The following CFAP47 variants were observed in gnomAD, a reference collection of about 807,000 sequenced individuals.
CFAP47 encodes the protein cilia- and flagella-associated protein 47.
In CFAP47, 29 loss-of-function variants were observed where a neutral mutation model predicts 148.1. The observed-to-expected ratio is 0.20, with a 90% CI of 0.15 to 0.27. The LOEUF (loss-of-function observed/expected upper bound fraction) is 0.27. CFAP47 is among the 10% of genes least tolerant of loss of function. CFAP47 has a pLI of 1.00. For missense variants in CFAP47, 1,872 were observed against 1,697.5 expected (o/e 1.10, Z -1.81); for synonymous variants, 664 against 577.3 (o/e 1.15, Z -2.15).
intron 27 of CFAP47, among the ~76,000 whole-genome samples, chrX:36,066,135 C>T (rs1230613919): frequency 9.0e-6 from 1 of 111,302 alleles, no homozygotes. Context: ...AGAGTGTGGT[C>T]ATTAGACCAG....
intron 24 of CFAP47, among the ~76,000 whole-genome samples, chrX:36,037,941 A>G (rs1351358054): frequency 3.6e-5 from 4 of 111,527 alleles, no homozygotes; most frequent in Non-Finnish European, 7.5e-5. Context: ...TAGTCTTTCC[A>G]GTACTCATTT....
At chrX:36,183,306 G>A (rs1041803804) in intron 40 of CFAP47, among the ~76,000 whole-genome samples, 6 of 111,053 alleles carry the variant, frequency 5.4e-5, no homozygotes, top group Non-Finnish European at 7.5e-5. Flanking sequence ...GTGACAGAGT[G>A]AGACCCTATT....
At chrX:36,212,624 A>G (rs1427351830) in intron 45 of CFAP47, among the ~76,000 whole-genome samples, 1 of 110,702 alleles carries the variant, frequency 9.0e-6, no homozygotes, top group Non-Finnish European at 1.9e-5. Context: ...TTTTAGTTAA[A>G]TATATTCCTA....
At position 36,011,460 on chromosome X, in the gene CFAP47, T is replaced by C. The variant is rs775580754; in HGVS notation, c.3418-3314T>C. ...AATGCCTTAATTTCTCCAAAAGCTC[T>C]CCTACTTTTATTTCCAGACTTTAGG... On this transcript the variant is annotated intron_variant, in intron 21 of 63. Coordinates refer to ENST00000378653, the MANE Select transcript of CFAP47 (RefSeq NM_001304548.2). 5.8e-4 allele frequency among the ~76,000 whole-genome samples: 65 copies of C among 112,108 alleles called. 1 individual carries two copies. Among genetic ancestry groups the C allele is most frequent in the Admixed American group, 5.1e-3 (54 of 10,518 alleles).
chrX:36,384,430 C>A (rs1556024744), intron 63 of CFAP47, among the ~76,000 whole-genome samples: 1 of 112,061 alleles, frequency 8.9e-6, no homozygotes, highest in Non-Finnish European at 1.9e-5. Flanking sequence ...TTTTACCAGT[C>A]ATTTCTATGG....
At position 36,108,162 on chromosome X, in the gene CFAP47, C is replaced by T. The variant is rs184887819; in HGVS notation, c.5320+3471C>T. 5.4e-4 allele frequency among the ~76,000 whole-genome samples: 60 copies of T among 111,454 alleles called. No homozygotes were observed. In the East Asian group the frequency reaches 0.014, roughly 25 times the overall value. On this transcript the variant is annotated intron_variant, in intron 33 of 63. Coordinates refer to ENST00000378653, the MANE Select transcript of CFAP47 (RefSeq NM_001304548.2). ...AAGCATTTTGGCTTTCTTTGTGGCT[C>T]TCAAGACCCTCCTTAGCATTCTCTG...
intron 8 of CFAP47, among the ~76,000 whole-genome samples, chrX:35,963,839 C>A (rs189612809): frequency 2.0e-3 from 226 of 111,391 alleles, no homozygotes; most frequent in African/African-American, 6.9e-3. Flanking sequence ...GTATAGTATA[C>A]AAAAACTTTT....
chrX:35,941,400 T>TA lies in CFAP47; in HGVS notation c.517+5dup. The TA allele has an allele frequency of 1.0e-6, 1 of 976,548 alleles. No homozygotes were observed. Among genetic ancestry groups the TA allele is most frequent in the Non-Finnish European group, 1.4e-6 (1 of 714,913 alleles). 80.5% of individuals were successfully genotyped at this position (976,548 alleles called of 1,213,427 possible). A position where few individuals can be genotyped will look rare whatever the true frequency, so the allele number is the denominator to read the frequency against. On this transcript the variant is annotated splice_region_variant and intron_variant, in intron 3 of 63. Transcript: ENST00000378653. ...TCACTAACCATGGCAAAGCTCCAGG[T>TA]AAATCCTTCCTGTCATATTTACTTA... is the stretch of plus-strand genomic sequence containing the variant.
At chrX:36,309,749 T>C (rs1941378691) in intron 55 of CFAP47, among the ~76,000 whole-genome samples, 1 of 111,510 alleles carries the variant, frequency 9.0e-6, no homozygotes, top group African/African-American at 3.2e-5. Flanking sequence ...AATATCCAAA[T>C]AGTAAATAAT....
intron 37 of CFAP47, among the ~76,000 whole-genome samples, chrX:36,158,875 T>C (rs1939398396): frequency 9.0e-6 from 1 of 111,568 alleles, no homozygotes. Flanking sequence ...GAATGGAATC[T>C]CCAAATCCAT....
intron 57 of CFAP47, among the ~76,000 whole-genome samples, chrX:36,330,234 G>GCAAC (rs201191325): frequency 0.18 from 19,603 of 111,143 alleles, 1,360 homozygotes; most frequent in South Asian, 0.3. Context: ...AGTGATTGCT[G>GCAAC]CATTAATACT....
chrX:36,253,779 T>C (rs1015954762), intron 49 of CFAP47, among the ~76,000 whole-genome samples: 1 of 111,591 alleles, frequency 9.0e-6, no homozygotes, highest in Non-Finnish European at 1.9e-5. Context: ...TTGGCAAATA[T>C]TCAGTTGTTT....
intron 63 of CFAP47, 100 bp from the exon 64 acceptor site, chrX:36,384,697 T>G (rs1233893785): frequency 1.7e-6 from 1 of 576,222 alleles, no homozygotes; most frequent in Non-Finnish European, 2.8e-6. Context: ...TTCCATACTC[T>G]ACATGGAGAA....
At chrX:35,971,564 A>C in intron 11 of CFAP47, 22 bp from the exon 12 acceptor site, 2 of 963,385 alleles carry the variant, frequency 2.1e-6, no homozygotes, top group Non-Finnish European at 2.8e-6. Context: ...ATTACTGATT[A>C]TTATTATTAT....
chrX:35,932,666 C>T (rs1356070861), intron 2 of CFAP47, among the ~76,000 whole-genome samples: 3 of 107,009 alleles, frequency 2.8e-5, no homozygotes, highest in African/African-American at 1.0e-4. Context: ...CTCACTCTGT[C>T]GTCAGGCTGG....
chrX:36,284,814 T>C (rs997293702), intron 50 of CFAP47, among the ~76,000 whole-genome samples: 4 of 111,579 alleles, frequency 3.6e-5, no homozygotes, highest in African/African-American at 1.3e-4. Flanking sequence ...CTGATGTGAA[T>C]ATGTATACAA....
chrX:35,920,980 T>C (rs1224219911), intron 1 of CFAP47, among the ~76,000 whole-genome samples: 3 of 112,114 alleles, frequency 2.7e-5, no homozygotes, highest in African/African-American at 9.7e-5. Context: ...TGTTCTAATT[T>C]TTGCTCTGTT....
intron 33 of CFAP47, among the ~76,000 whole-genome samples, chrX:36,115,834 C>A (rs1938631010): frequency 8.9e-6 from 1 of 111,764 alleles, no homozygotes; most frequent in African/African-American, 3.3e-5. Context: ...AAAATTGATT[C>A]ATCACAGATA....
At chrX:36,246,874 T>C (rs1005045974) in intron 48 of CFAP47, among the ~76,000 whole-genome samples, 3 of 111,295 alleles carry the variant, frequency 2.7e-5, no homozygotes, top group African/African-American at 9.8e-5. Flanking sequence ...TGGAGATTTT[T>C]AAAATAACGT....
Sources: gnomAD v4.1 joint callset for allele counts (sites outside exome capture counted in the v4.1 genomes callset) on GRCh38, gnomAD v4.1.1 for gene constraint, MANE v1.5 for transcripts, NCBI Gene and HGNC (gene_info 2026-07-23, HGNC 2026-07-21) for gene names.